Variants in GPR143 observed in about 807,000 individuals in gnomAD.
GPR143 encodes the protein G protein-coupled receptor 143.
A neutral mutation model predicts 27.6 loss-of-function variants in GPR143; 8 were observed. The ratio of observed to expected loss-of-function variants is 0.29; its 90% CI spans 0.17 to 0.52. The LOEUF (loss-of-function observed/expected upper bound fraction) is 0.52. Ranked by LOEUF, GPR143 falls within the 20% of genes least tolerant of loss-of-function variation. GPR143 has a pLI of 0.96. For synonymous variants in GPR143, 156 were observed against 153.2 expected (o/e 1.02, Z -0.13); for missense variants, 303 against 343.1 (o/e 0.88, Z 0.92).
chrX:9,751,731 C>G (rs945427931), intron 3 of GPR143, among the ~76,000 whole-genome samples: 1 of 112,424 alleles, frequency 8.9e-6, no homozygotes, highest in Admixed American at 9.4e-5. Context: ...GCACTAAAAG[C>G]CACTGAACTG....
At chrX:9,726,288 A>G (rs2146674380) in intron 8 of GPR143, among the ~76,000 whole-genome samples, 1 of 111,055 alleles carries the variant, frequency 9.0e-6, no homozygotes, top group South Asian at 3.8e-4. Flanking sequence ...GGCTACCTAC[A>G]CTCAATTCTA....
intron 3 of GPR143, among the ~76,000 whole-genome samples, chrX:9,754,602 C>T (rs1434439431): frequency 9.0e-6 from 1 of 111,495 alleles, no homozygotes; most frequent in East Asian, 2.8e-4. Context: ...GCTGAAGACC[C>T]TTGGTCCCAA....
At chrX:9,757,699 C>T (rs1378270114) in intron 3 of GPR143, among the ~76,000 whole-genome samples, 2 of 111,182 alleles carry the variant, frequency 1.8e-5, no homozygotes, top group Non-Finnish European at 3.8e-5. Context: ...TGTGAATACA[C>T]GAAAAACCAC....
At chrX:9,729,791 T>C (rs1255908466) in intron 8 of GPR143, among the ~76,000 whole-genome samples, 1 of 112,045 alleles carries the variant, frequency 8.9e-6, no homozygotes, top group Non-Finnish European at 1.9e-5. Context: ...CCCTTCCAAC[T>C]GGCCCTCTTT....
chrX:9,770,358 G>GAGAGAGAGAGAGAGAGAGA (rs1569127514), upstream of GPR143, among the ~76,000 whole-genome samples: 156 of 76,579 alleles, frequency 2.0e-3, 5 homozygotes, highest in African/African-American at 7.3e-3. Flanking sequence ...AGAGAGAGAG[G>GAGAGAGAGAGAGAGAGAGA]AAGACCAGCC....
At chrX:9,732,545 A>G (rs757971489) in intron 8 of GPR143, among the ~76,000 whole-genome samples, 12 of 111,722 alleles carry the variant, frequency 1.1e-4, no homozygotes, top group African/African-American at 3.3e-4. Flanking sequence ...ATACAATTAC[A>G]AAAGAAAGAT....
chrX:9,754,916 A>G (rs1397490389), intron 3 of GPR143, among the ~76,000 whole-genome samples: 4 of 111,292 alleles, frequency 3.6e-5, no homozygotes, highest in Admixed American at 9.6e-5. Context: ...GTTGTGTCAG[A>G]CCTCCGACCT....
intron 8 of GPR143, among the ~76,000 whole-genome samples, chrX:9,733,198 G>A (rs749176797): frequency 9.9e-5 from 11 of 111,067 alleles, no homozygotes; most frequent in Admixed American, 1.9e-4. Context: ...TGTGGGAGAC[G>A]CAAGGTATTA....
chrX:9,742,018 C>T (rs1307757896), intron 6 of GPR143, among the ~76,000 whole-genome samples: 1 of 112,710 alleles, frequency 8.9e-6, no homozygotes, highest in African/African-American at 3.2e-5. Context: ...TACCACTCAA[C>T]ACCACATCAG....
intron 8 of GPR143, among the ~76,000 whole-genome samples, chrX:9,732,818 G>A (rs1002464397): frequency 4.9e-5 from 5 of 102,591 alleles, no homozygotes; most frequent in African/African-American, 1.1e-4. Flanking sequence ...AGCCGAGATC[G>A]TGCCGCTGCA....
intron 8 of GPR143, among the ~76,000 whole-genome samples, chrX:9,727,517 G>A (rs1337699437): frequency 8.8e-6 from 1 of 113,266 alleles, no homozygotes; most frequent in Admixed American, 9.3e-5. Flanking sequence ...AGGCCTGGGC[G>A]GGGCATCACC....
chrX:9,761,954 G>A (rs2083503617), intron 1 of GPR143, among the ~76,000 whole-genome samples: 1 of 112,047 alleles, frequency 8.9e-6, no homozygotes, highest in Non-Finnish European at 1.9e-5. Flanking sequence ...GGAGGTGGTG[G>A]CACGCGCCTG....
At chrX:9,765,003 G>T (rs2083522498) in intron 1 of GPR143, among the ~76,000 whole-genome samples, 1 of 92,663 alleles carries the variant, frequency 1.1e-5, no homozygotes, top group African/African-American at 4.0e-5. Context: ...CAGTCTGGGC[G>T]ACAGAGCAAG....
chrX:9,744,210 G>T (rs771729759), intron 5 of GPR143, among the ~76,000 whole-genome samples: 1 of 110,601 alleles, frequency 9.0e-6, no homozygotes, highest in Non-Finnish European at 1.9e-5. Context: ...GGTGGTGCAC[G>T]TCTGTAATCC....
At chrX:9,749,522 T>C (rs911720486) in intron 3 of GPR143, among the ~76,000 whole-genome samples, 1 of 112,096 alleles carries the variant, frequency 8.9e-6, no homozygotes, top group Admixed American at 9.5e-5. Flanking sequence ...TTCATGTAAA[T>C]GGAAATATAT....
intron 8 of GPR143, among the ~76,000 whole-genome samples, chrX:9,728,843 T>G (rs1466993208): frequency 9.2e-6 from 1 of 108,580 alleles, no homozygotes; most frequent in Non-Finnish European, 1.9e-5. Flanking sequence ...TATTGTGGTG[T>G]TCCTCCAACA....
chrX:9,777,893 A>G (rs1436870505), intron 1 of GPR143, among the ~76,000 whole-genome samples: 2 of 109,798 alleles, frequency 1.8e-5, no homozygotes, highest in African/African-American at 6.6e-5. Context: ...GATCGAGACC[A>G]TCCTGGCTAA....
At chrX:9,760,141 G>C (rs1314425435) in intron 2 of GPR143, among the ~76,000 whole-genome samples, 2 of 111,575 alleles carry the variant, frequency 1.8e-5, no homozygotes, top group Non-Finnish European at 3.8e-5. Context: ...ACCCAGGCTG[G>C]AGTGCAGTGG....
At chrX:9,761,037 C>G (rs2083497257) in intron 1 of GPR143, among the ~76,000 whole-genome samples, 1 of 110,741 alleles carries the variant, frequency 9.0e-6, no homozygotes, top group Non-Finnish European at 1.9e-5. Context: ...TTTGTGTGTG[C>G]AGAGAGAGAA....
Sources: allele counts gnomAD v4.1 joint callset (sites outside exome capture counted in the v4.1 genomes callset), GRCh38; gene constraint gnomAD v4.1.1; transcripts MANE v1.5; gene names NCBI Gene and HGNC (gene_info 2026-07-23, HGNC 2026-07-21).